Variants in LRIF1 observed in about 807,000 individuals in gnomAD.
LRIF1 encodes the protein ligand dependent nuclear receptor interacting factor 1.
A neutral mutation model predicts 52.7 loss-of-function variants in LRIF1; 32 were observed. The observed-to-expected ratio is 0.61, with a 90% confidence interval of 0.46 to 0.82. The LOEUF (loss-of-function observed/expected upper bound fraction) is 0.82. Among genes scored for constraint, LRIF1 ranks in the 40% least tolerant of loss-of-function variants. The pLI, the probability that LRIF1 is intolerant of heterozygous loss-of-function variation, is 0.00. For synonymous variants in LRIF1, 323 were observed against 317.4 expected, an observed-to-expected ratio of 1.02 and a Z score of -0.19; for missense variants, 887 against 892.0, an observed-to-expected ratio of 0.99 and a Z score of 0.07.
the LRIF1 span, among the ~76,000 whole-genome samples, chr1:110,886,598 C>G: frequency 5.9e-5 from 9 of 151,976 alleles, no homozygotes; most frequent in African/African-American, 2.2e-4. Context: ...CCTGTAATCC[C>G]AGCACTTTGG....
the LRIF1 span, among the ~76,000 whole-genome samples, chr1:110,934,232 C>A: frequency 2.6e-5 from 4 of 152,216 alleles, no homozygotes; most frequent in African/African-American, 9.7e-5. Context: ...GCCACTGAGA[C>A]TTGCTGGCTT....
chr1:110,949,098 TGG>T (rs532970563), intron 3 of LRIF1, among the ~76,000 whole-genome samples: 14 of 152,000 alleles, frequency 9.2e-5, no homozygotes, highest in Non-Finnish European at 1.8e-4. Flanking sequence ...TGTGTGTGTG[TGG>T]GGTGGGCGGT....
chr1:110,882,361 T>C, the LRIF1 span, among the ~76,000 whole-genome samples: 2 of 152,086 alleles, frequency 1.3e-5, no homozygotes, highest in South Asian at 4.1e-4. Context: ...CATTCTGTAA[T>C]ATATTAATTT....
the LRIF1 span, among the ~76,000 whole-genome samples, chr1:110,875,095 G>A: frequency 3.9e-5 from 6 of 152,318 alleles, 1 homozygote; most frequent in Middle Eastern, 0.017. Flanking sequence ...GCCTAGAGAG[G>A]TGACTGGTGG....
chr1:110,959,016 A>G (rs1161301450), intron 1 of LRIF1, among the ~76,000 whole-genome samples: 1 of 152,188 alleles, frequency 6.6e-6, no homozygotes, highest in African/African-American at 2.4e-5. Context: ...AAGAGATTAA[A>G]TAATTAAAGT....
At chr1:110,949,489 G>A (rs1396161857) in intron 3 of LRIF1, among the ~76,000 whole-genome samples, 1 of 149,742 alleles carries the variant, frequency 6.7e-6, no homozygotes, top group Non-Finnish European at 1.5e-5. Flanking sequence ...GTGCGATCTC[G>A]GTTCACTACA....
chr1:110,957,547 T>C (rs1219683839), intron 1 of LRIF1, among the ~76,000 whole-genome samples: 3 of 151,434 alleles, frequency 2.0e-5, no homozygotes, highest in Admixed American at 1.3e-4. Context: ...TTTGGAATAA[T>C]GACTCCCATA....
the LRIF1 span, among the ~76,000 whole-genome samples, chr1:110,886,635 G>A: frequency 2.0e-5 from 3 of 151,754 alleles, no homozygotes; most frequent in Non-Finnish European, 4.4e-5. Context: ...GGTCACTTGA[G>A]GTCAGGCATG....
At chr1:110,900,331 G>A in the LRIF1 span, among the ~76,000 whole-genome samples, 23 of 152,262 alleles carry the variant, frequency 1.5e-4, no homozygotes, top group African/African-American at 4.8e-4. Context: ...AAGGGCATGA[G>A]ATTCGGCACC....
the LRIF1 span, chr1:110,894,315 G>T: frequency 6.2e-7 from 1 of 1,613,184 alleles, no homozygotes; most frequent in Non-Finnish European, 8.5e-7. Flanking sequence ...GAATGTATCT[G>T]CTTTGTCCCA....
the LRIF1 span, among the ~76,000 whole-genome samples, chr1:110,885,646 T>C: frequency 6.6e-6 from 1 of 152,056 alleles, no homozygotes; most frequent in Admixed American, 6.5e-5. Context: ...GCAGATCACC[T>C]GAGGTCAGGA....
intron 1 of LRIF1, 140 bp from the exon 2 acceptor site, chr1:110,952,955 G>T: frequency 2.6e-6 from 1 of 380,450 alleles, no homozygotes; most frequent in Non-Finnish European, 4.2e-6. Flanking sequence ...GTGAAAGACT[G>T]CAAAACAAAT....
the LRIF1 span, among the ~76,000 whole-genome samples, chr1:110,879,918 A>T: frequency 6.6e-6 from 1 of 152,252 alleles, no homozygotes; most frequent in African/African-American, 2.4e-5. Flanking sequence ...TCTAAGCTTG[A>T]TTAAATTCAA....
At chr1:110,880,247 A>G in the LRIF1 span, 1 of 152,246 alleles carries the variant, frequency 6.6e-6, no homozygotes, top group African/African-American at 2.4e-5. Context: ...ACTGCCCAGT[A>G]ACAGTGAAAA....
chr1:110,877,998 C>T, the LRIF1 span, among the ~76,000 whole-genome samples: 1 of 152,160 alleles, frequency 6.6e-6, no homozygotes, highest in African/African-American at 2.4e-5. Flanking sequence ...GGCACAAAAC[C>T]AGAGCCTGGG....
the LRIF1 span, among the ~76,000 whole-genome samples, chr1:110,880,004 AG>A: frequency 6.6e-6 from 1 of 152,256 alleles, no homozygotes; most frequent in Admixed American, 6.5e-5. Flanking sequence ...AGGTTCTACC[AG>A]CTCAAGCCCA....
chr1:110,907,487 C>A, the LRIF1 span, among the ~76,000 whole-genome samples: 1 of 152,076 alleles, frequency 6.6e-6, no homozygotes, highest in Admixed American at 6.6e-5. Context: ...CGGTGGCTCA[C>A]GCCTGTAATC....
the LRIF1 span, chr1:110,939,586 T>C: frequency 6.6e-6 from 1 of 152,078 alleles, no homozygotes; most frequent in East Asian, 1.9e-4. Context: ...TGACTTTAAA[T>C]TATGCCACAG....
At chr1:110,957,557 A>G (rs1411859412) in intron 1 of LRIF1, among the ~76,000 whole-genome samples, 1 of 150,796 alleles carries the variant, frequency 6.6e-6, no homozygotes, top group Non-Finnish European at 1.5e-5. Context: ...TGACTCCCAT[A>G]GTTATATCCT....
Sources: allele counts gnomAD v4.1 joint callset (sites outside exome capture counted in the v4.1 genomes callset), GRCh38; gene constraint gnomAD v4.1.1; transcripts MANE v1.5; gene names NCBI Gene and HGNC (gene_info 2026-07-23, HGNC 2026-07-21).